C5: variants seen among roughly 807,000 people sequenced by gnomAD.
C5 encodes complement C5.
Under a neutral mutation model 218.8 loss-of-function variants are expected in C5, and 140 were observed. That is an observed-to-expected ratio of 0.64 (90% confidence interval 0.56 to 0.74). C5 has a LOEUF of 0.74. Among genes scored for constraint, C5 ranks in the 30% least tolerant of loss-of-function variants. The probability of loss-of-function intolerance (pLI) is 0.00; values close to 1 mark genes in which losing one functional copy is unlikely to be tolerated. For missense variants in C5, 1,700 were observed against 1,969.6 expected, an observed-to-expected ratio of 0.86 and a Z score of 2.59; for synonymous variants, 614 against 682.3, an observed-to-expected ratio of 0.90 and a Z score of 1.56.
At position 121,020,165 on chromosome 9, in the gene C5, A is replaced by C; in HGVS notation, c.1317T>G (p.Ala439=). ...TVLEFNVKTD[A]PDLPEENQAR... is the part of the protein sequence containing the mutation. ...CCTGATTTTCTTCTGGAAGATCTGGAGCATCAGTTTTGACCTGAAAAGAGA... is the reference window on the plus strand; with the variant it reads ...CCTGATTTTCTTCTGGAAGATCTGGCGCATCAGTTTTGACCTGAAAAGAGA... Residue 439 remains alanine, a synonymous_variant, in exon 12 of 41, where the codon GCT becomes GCG. Transcript: ENST00000223642. 6.2e-7 allele frequency: 1 copy of C among 1,613,786 alleles called. No individual in the cohort carries two copies. The highest frequency in any genetic ancestry group is 2.2e-5 in the East Asian group (1 of 44,872).
At chr9:121,015,900 C>T (rs930338804) in intron 15 of C5, among the ~76,000 whole-genome samples, 7 of 152,106 alleles carry the variant, frequency 4.6e-5, no homozygotes, top group African/African-American at 1.7e-4. Flanking sequence ...CATTGCTTCT[C>T]CAGGCTAATG....
chr9:121,008,291 G>T (rs2047232791), intron 18 of C5, 117 bp downstream of exon 18: 1 of 760,574 alleles, frequency 1.3e-6, no homozygotes, highest in Non-Finnish European at 2.3e-6. Context: ...TGATCAAATT[G>T]CAGGATCATC....
At chr9:120,982,201 G>A (rs1231525628) in intron 26 of C5, among the ~76,000 whole-genome samples, 1 of 152,118 alleles carries the variant, frequency 6.6e-6, no homozygotes, top group Non-Finnish European at 1.5e-5. Flanking sequence ...TAGTAGAGAC[G>A]GGGTTTCACC....
At chr9:121,068,958 TCC>T in the C5 span, among the ~76,000 whole-genome samples, 1 of 152,010 alleles carries the variant, frequency 6.6e-6, no homozygotes, top group East Asian at 1.9e-4. Context: ...TCCCTACATC[TCC>T]CCCTATATAA....
intron 33 of C5, among the ~76,000 whole-genome samples, chr9:120,968,232 A>G (rs2046883861): frequency 6.6e-6 from 1 of 152,230 alleles, no homozygotes; most frequent in Admixed American, 6.5e-5. Context: ...TTATGAGGAA[A>G]GGAAGCAGGA....
intron 20 of C5, among the ~76,000 whole-genome samples, chr9:120,999,357 C>T (rs1192107322): frequency 6.6e-6 from 1 of 152,126 alleles, no homozygotes; most frequent in Non-Finnish European, 1.5e-5. Context: ...ATAGCTTTAC[C>T]CTGAGGGCAG....
intron 20 of C5, among the ~76,000 whole-genome samples, chr9:121,002,124 G>GTA (rs762694853): frequency 0.012 from 1,748 of 144,662 alleles, 38 homozygotes; most frequent in African/African-American, 0.04. Flanking sequence ...GGCAGTGTGT[G>GTA]TATATATATA....
rs2131690715 is a variant in C5, at chr9:120,976,634, A to G, written c.3864+66T>C. On this transcript the variant is annotated intron_variant, in intron 29 of 40. Coordinates refer to ENST00000223642, the MANE Select transcript of C5 (RefSeq NM_001735.3). ...TGGTGGACAAAGGCATGGAGGCCAG[A>G]TGAGTGTGGTGGGGGAGAAAATAAA... 5 of 1,292,294 alleles carry G rather than the reference A, an allele frequency of 3.9e-6. No individual in the cohort carries two copies. The East Asian group carries it at 1.2e-4, about 30-fold the overall frequency. The allele number at this position is 1,292,294 out of a possible 1,614,324, so 80.1% of individuals were successfully genotyped here.
intron 3 of C5, 45 bp from the exon 4 acceptor site, chr9:121,037,996 G>A: frequency 1.1e-6 from 1 of 891,834 alleles, no homozygotes; most frequent in Non-Finnish European, 1.8e-6. Flanking sequence ...TAAAAACAAG[G>A]ATATTTTGAT....
the C5 span, among the ~76,000 whole-genome samples, chr9:121,071,513 C>T: frequency 6.6e-6 from 1 of 152,066 alleles, no homozygotes; most frequent in Non-Finnish European, 1.5e-5. Flanking sequence ...AGCAAGACCC[C>T]ATCTTTACAA....
At position 120,976,901 on chromosome 9, in the gene C5, A is replaced by G. The variant is rs748421077; in HGVS notation, c.3663T>C (p.Asn1221=). 1.9e-6 allele frequency: 3 copies of G among 1,613,012 alleles called. No individual in the cohort carries two copies. The African/African-American group carries it at 4.0e-5, about 22-fold the overall frequency. The change falls in exon 29 of 41, where the codon AAT becomes AAC. Residue 1221 remains asparagine (N), a synonymous_variant. Coordinates refer to ENST00000223642, the MANE Select transcript of C5 (RefSeq NM_001735.3). ...CTTTCCAAAAACGATAAATGGGTGG[A>G]TTACCTGAACATCAACAAATTCCAT... The part of the protein sequence containing the change: ...ALKREALVKG[N]PPIYRFWKDN...
intron 22 of C5, among the ~76,000 whole-genome samples, chr9:120,994,076 T>C (rs1050186250): frequency 6.6e-6 from 1 of 152,156 alleles, no homozygotes; most frequent in Non-Finnish European, 1.5e-5. Context: ...AGACTAGAGC[T>C]AGTCTTAAGC....
intron 3 of C5, among the ~76,000 whole-genome samples, chr9:121,042,521 G>T (rs989213620): frequency 6.6e-6 from 1 of 152,114 alleles, no homozygotes; most frequent in Admixed American, 6.5e-5. Context: ...AATTTTTAAT[G>T]AACATGGTTC....
rs751771711 is a variant in C5, at chr9:121,017,778, G to A, written c.1581C>T (p.Asn527=). Reference sequence around the variant, plus strand: ...GAACCATGTTCTGTGTTACTGGAATGTTTATACTTTGATAAGATGCATCTG... The same window carrying A: ...GAACCATGTTCTGTGTTACTGGAATATTTATACTTTGATAAGATGCATCTG... The part of the protein sequence containing the change: ...KFSDASYQSI[N]IPVTQNMVPS... Residue 527 remains asparagine (N), a synonymous_variant, in exon 13 of 41, where the codon AAC becomes AAT. Transcript: ENST00000223642. 3 of 1,613,564 alleles carry A rather than the reference G, an allele frequency of 1.9e-6. No individual in the cohort carries two copies. The highest frequency in any genetic ancestry group is 8.5e-7 in the Non-Finnish European group (1 of 1,179,580).
intron 28 of C5, among the ~76,000 whole-genome samples, chr9:120,979,296 C>T (rs946883783): frequency 6.6e-6 from 1 of 152,196 alleles, no homozygotes; most frequent in Admixed American, 6.5e-5. Context: ...GACTCAAACA[C>T]CATCCTCTTA....
At chr9:121,008,684 C>T (rs1308877995) in intron 17 of C5, among the ~76,000 whole-genome samples, 186 bp from the exon 18 acceptor site, 1 of 152,096 alleles carries the variant, frequency 6.6e-6, no homozygotes, top group East Asian at 1.9e-4. Context: ...AATCCCAGCA[C>T]TTTGGGAGGC....
intron 35 of C5, 50 bp downstream of exon 35, chr9:120,962,843 A>T (rs1053007328): frequency 9.4e-6 from 15 of 1,599,912 alleles, no homozygotes; most frequent in Non-Finnish European, 1.3e-5. Context: ...TTTAGCCTGT[A>T]TATTTTGAAT....
intron 25 of C5, among the ~76,000 whole-genome samples, chr9:120,987,553 G>A (rs1259701821): frequency 1.3e-5 from 2 of 149,144 alleles, no homozygotes; most frequent in African/African-American, 4.9e-5. Flanking sequence ...CAGGAGAATC[G>A]CTTGAACCCG....
upstream of C5, among the ~76,000 whole-genome samples, chr9:121,051,185 C>G (rs1015218830): frequency 6.7e-6 from 1 of 150,276 alleles, no homozygotes; most frequent in South Asian, 2.1e-4. Context: ...TCTAGTGGCA[C>G]TATCTTGGCT....
Sources: allele counts gnomAD v4.1 joint callset (sites outside exome capture counted in the v4.1 genomes callset), GRCh38; gene constraint gnomAD v4.1.1; transcripts MANE v1.5; gene names NCBI Gene and HGNC (gene_info 2026-07-23, HGNC 2026-07-21).